SPRY3: variants seen among roughly 807,000 people sequenced by gnomAD.
SPRY3 encodes protein sprouty homolog 3.
SPRY3 carries 15 observed loss-of-function variants against 20.2 expected under a neutral mutation model. The observed-to-expected ratio is 0.74, with a 90% CI of 0.50 to 1.14. SPRY3 has a LOEUF of 1.14. SPRY3 is among the 50% of genes most tolerant of loss of function. The pLI, the probability that SPRY3 is intolerant of heterozygous loss-of-function variation, is 0.00. For synonymous variants in SPRY3, 143 were observed against 136.5 expected, an observed-to-expected ratio of 1.05 and a Z score of -0.33; for missense variants, 364 against 363.9, an observed-to-expected ratio of 1.00 and a Z score of 0.00.
chrX:155,631,611 G>GT (rs782123214), intron 1 of SPRY3, among the ~76,000 whole-genome samples: 1 of 111,934 alleles, frequency 8.9e-6, no homozygotes, highest in African/African-American at 3.2e-5. Context: ...AGCATCTGCT[G>GT]TTTTTTTGAC....
At chrX:155,740,712 A>C (rs1195625125) in intron 2 of SPRY3, among the ~76,000 whole-genome samples, 2 of 152,038 alleles carry the variant, frequency 1.3e-5, no homozygotes, top group Non-Finnish European at 2.9e-5. Flanking sequence ...CTGAACATAG[A>C]CCCTTATCAG....
Position 155,690,825 on chromosome X carries a change from C to G in SPRY3, c.-282+33800C>G, listed in dbSNP as rs1056673939. The stretch of plus-strand genomic sequence containing the variant: ...CAAAGACATTTACCTGAACTCAGCA[C>G]TGAATCAATTGGACCTGAAAAAGTT... On this transcript the variant is annotated intron_variant, in intron 2 of 3. Coordinates refer to ENST00000675360, the Ensembl canonical transcript of SPRY3. 9.2e-5 allele frequency among the ~76,000 whole-genome samples: 8 copies of G among 86,804 alleles called. 2 individuals carry two copies. Among genetic ancestry groups the G allele is most frequent in the Non-Finnish European group, 1.3e-4 (6 of 46,573 alleles). 75.4% of individuals were successfully genotyped at this position (86,804 alleles called of 115,157 possible).
chrX:155,752,617 A>G (rs2091268800), intron 2 of SPRY3, among the ~76,000 whole-genome samples: 1 of 151,830 alleles, frequency 6.6e-6, no homozygotes, highest in African/African-American at 2.4e-5. Flanking sequence ...AAGAAAATAC[A>G]GTTCTCAAAA....
chrX:155,627,297 G>A (rs1557350039), intron 1 of SPRY3, among the ~76,000 whole-genome samples: 1 of 111,797 alleles, frequency 8.9e-6, no homozygotes, highest in African/African-American at 3.2e-5. Flanking sequence ...AGATTAACTT[G>A]TGGATTTCAC....
intron 2 of SPRY3, among the ~76,000 whole-genome samples, chrX:155,734,984 A>G (rs961203428): frequency 6.6e-6 from 1 of 151,886 alleles, no homozygotes; most frequent in Non-Finnish European, 1.5e-5. Flanking sequence ...TATGTCCATT[A>G]AATGCTATTA....
intron 2 of SPRY3, among the ~76,000 whole-genome samples, chrX:155,668,715 C>G (rs999647764): frequency 2.5e-4 from 28 of 110,231 alleles, no homozygotes; most frequent in Admixed American, 2.3e-3. Flanking sequence ...TCCTTGGGGC[C>G]CATATTGTCC....
At chrX:155,774,447 G>C in exon 4 of SPRY3, 1 of 1,614,020 alleles carries the variant, frequency 6.2e-7, no homozygotes, top group Non-Finnish European at 8.5e-7. Context: ...GCTGTGTCAA[G>C]GGCCTCTTCT....
At chrX:155,631,867 A>G (rs1406443798) in intron 1 of SPRY3, among the ~76,000 whole-genome samples, 3 of 111,824 alleles carry the variant, frequency 2.7e-5, no homozygotes, top group African/African-American at 6.5e-5. Context: ...TGTAATAATC[A>G]CAACAGGGTA....
chrX:155,739,405 G>T (rs1177666589), intron 2 of SPRY3, among the ~76,000 whole-genome samples: 1 of 152,224 alleles, frequency 6.6e-6, no homozygotes, highest in Admixed American at 6.5e-5. Context: ...AGTCTGGGTG[G>T]TTTGGACGAG....
chrX:155,736,075 G>C (rs2091167240), intron 2 of SPRY3, among the ~76,000 whole-genome samples: 1 of 151,866 alleles, frequency 6.6e-6, no homozygotes, highest in Non-Finnish European at 1.5e-5. Flanking sequence ...TTCACAGAAA[G>C]TGCAGGTACC....
chrX:155,618,139 C>T (rs2067860108), intron 1 of SPRY3, among the ~76,000 whole-genome samples: 3 of 112,004 alleles, frequency 2.7e-5, no homozygotes, highest in African/African-American at 9.7e-5. Context: ...TTTCCATTGC[C>T]ACAAGCTTTC....
At chrX:155,633,419 G>C (rs1460539277) in intron 1 of SPRY3, among the ~76,000 whole-genome samples, 2 of 102,944 alleles carry the variant, frequency 1.9e-5, no homozygotes, top group African/African-American at 7.2e-5. Context: ...TAGACCTAGA[G>C]CTCTGTGATC....
Position 155,700,616 on chromosome X carries a change from C to CT in SPRY3, c.-282+43608dup, listed in dbSNP as rs759851874. On this transcript the variant is annotated intron_variant, in intron 2 of 3. Transcript: ENST00000675360. ...TTCAGCCATAAAAAGGAATGAAGTT[C>CT]TTTTTTTTTTTTTTTTTATTATACT... Among the ~76,000 whole-genome samples the CT allele has an allele frequency of 2.6e-3, 173 of 66,026 alleles. 19 individuals carry two copies. The highest frequency in any genetic ancestry group is 0.026 in the Middle Eastern group (4 of 153). 57.3% of individuals were successfully genotyped at this position (66,026 alleles called of 115,157 possible).
chrX:155,660,046 G>GT (rs1196138987), intron 2 of SPRY3, among the ~76,000 whole-genome samples: 1 of 111,349 alleles, frequency 9.0e-6, no homozygotes, highest in Non-Finnish European at 1.9e-5. Context: ...TATGATCTCT[G>GT]TTATTTCTTT....
At chrX:155,749,889 T>C (rs961022314) in intron 2 of SPRY3, among the ~76,000 whole-genome samples, 2 of 151,804 alleles carry the variant, frequency 1.3e-5, no homozygotes, top group Non-Finnish European at 2.9e-5. Context: ...TGGGATACAT[T>C]ATTCTGGAGT....
intron 1 of SPRY3, among the ~76,000 whole-genome samples, chrX:155,613,967 CAG>C (rs782522279): frequency 4.5e-5 from 5 of 111,793 alleles, no homozygotes; most frequent in East Asian, 2.8e-4. Context: ...TCTCCAAGCA[CAG>C]AGTCTAAAAT....
exon 4 of SPRY3, chrX:155,775,114 T>C: frequency 3.5e-6 from 1 of 284,866 alleles, no homozygotes; most frequent in East Asian, 6.8e-5. Flanking sequence ...TGTTTTCTGC[T>C]GTGCCTTTGG....
chrX:155,696,078 A>G (rs2068117451), intron 2 of SPRY3, among the ~76,000 whole-genome samples: 1 of 110,627 alleles, frequency 9.0e-6, no homozygotes, highest in Admixed American at 9.8e-5. Flanking sequence ...TATTTGTCCA[A>G]TGAATGCTGA....
At chrX:155,761,809 A>G (rs890667428) in intron 2 of SPRY3, among the ~76,000 whole-genome samples, 1 of 149,256 alleles carries the variant, frequency 6.7e-6, no homozygotes, top group Non-Finnish European at 1.5e-5. Context: ...CTGATTAGTG[A>G]TATGGAGCAT....
Sources: allele counts gnomAD v4.1 joint callset (sites outside exome capture counted in the v4.1 genomes callset), GRCh38; gene constraint gnomAD v4.1.1; transcripts MANE v1.5; gene names NCBI Gene and HGNC (gene_info 2026-07-23, HGNC 2026-07-21).